The following HTATSF1 variants were observed in gnomAD, a reference collection of about 807,000 sequenced individuals.
HTATSF1 encodes HIV-1 Tat specific factor 1.
A neutral mutation model predicts 46.1 loss-of-function variants in HTATSF1; 6 were observed. That is an observed-to-expected ratio of 0.13 (90% confidence interval 0.07 to 0.26). The LOEUF is 0.26. HTATSF1 is among the 10% of genes least tolerant of loss of function. The probability of loss-of-function intolerance (pLI) is 1.00; values close to 1 mark genes in which losing one functional copy is unlikely to be tolerated. For missense variants in HTATSF1, 452 were observed against 559.9 expected (o/e 0.81, Z 1.94); for synonymous variants, 226 against 211.5 (o/e 1.07, Z -0.60).
rs59651028 is a variant in HTATSF1 at position 136,510,046 on chromosome X, T to C, written c.925-36T>C. Reference sequence around the variant, plus strand: ...TGTATGTGTTTTATTTTTAATCTTATCATTCATTCCTTTTTTTTCTTTCTT... The same window carrying C: ...TGTATGTGTTTTATTTTTAATCTTACCATTCATTCCTTTTTTTTCTTTCTT... On this transcript the variant is annotated intron_variant, in intron 7 of 8. Coordinates refer to ENST00000218364, the MANE Select transcript of HTATSF1 (RefSeq NM_014500.5). The C allele has an allele frequency of 1.8e-3, 2,122 of 1,162,904 alleles. 22 individuals carry two copies. In the African/African-American group the frequency reaches 0.033, roughly 18 times the overall value.
At chrX:136,500,095 C>A in intron 2 of HTATSF1, 63 bp from the exon 3 acceptor site, 2 of 750,633 alleles carry the variant, frequency 2.7e-6, no homozygotes, top group Non-Finnish European at 4.1e-6. Flanking sequence ...GTCAAGATTC[C>A]ATAATATGAC....
intron 2 of HTATSF1, 90 bp downstream of exon 2, chrX:136,499,868 C>A: frequency 1.4e-6 from 1 of 692,068 alleles, no homozygotes; most frequent in Non-Finnish European, 2.1e-6. Flanking sequence ...ATTATAATAG[C>A]TTTGAAGGAA....
intron 3 of HTATSF1, 47 bp from the exon 4 acceptor site, chrX:136,500,617 C>T (rs1424210916): frequency 1.2e-6 from 1 of 848,387 alleles, no homozygotes; most frequent in Non-Finnish European, 1.6e-6. Flanking sequence ...AAGTAATTCA[C>T]CTTCATTATC....
At chrX:136,497,961 G>C in intron 1 of HTATSF1, 91 bp downstream of exon 1, 1 of 679,747 alleles carries the variant, frequency 1.5e-6, no homozygotes, top group Non-Finnish European at 2.1e-6. Flanking sequence ...TGAGATCCTT[G>C]GTCCTTGGTC....
chrX:136,511,209 C>T lies in HTATSF1; in HGVS notation c.1464C>T (p.Gly488=). The T allele has an allele frequency of 8.3e-7, 1 of 1,207,411 alleles. No homozygotes were observed. Among genetic ancestry groups the T allele is most frequent in the Non-Finnish European group, 1.1e-6 (1 of 894,360 alleles). ...GCTCCCAAAAAGAGTCTGAAGAAGG[C>T]AATCCCGTAAGAGGATCTGAAGAGG... The part of the protein sequence containing the change: ...GSCSQKESEE[G]NPVRGSEEDS... The change falls in exon 9 of 9, where the codon GGC becomes GGT. Residue 488 remains glycine (G), a synonymous_variant. Transcript: ENST00000218364.
intron 6 of HTATSF1, among the ~76,000 whole-genome samples, chrX:136,508,300 A>G (rs1237349052): frequency 8.9e-6 from 1 of 112,342 alleles, no homozygotes; most frequent in South Asian, 3.6e-4. Context: ...ATATAGTTGA[A>G]ATTCAAGCTG....
chrX:136,512,134 T>A lies in HTATSF1; in HGVS notation c.*121T>A. The stretch of plus-strand genomic sequence containing the variant: ...GTAGGATGCCATCAGATTAAAGCAT[T>A]GAAGTGTTTCATTGTTACCTGTACC... On this transcript the variant is annotated 3_prime_UTR_variant, in exon 9 of 9. Coordinates refer to ENST00000218364, the MANE Select transcript of HTATSF1 (RefSeq NM_014500.5). 1 of 758,338 alleles carries A rather than the reference T, an allele frequency of 1.3e-6. No homozygotes were observed. Among genetic ancestry groups the A allele is most frequent in the Non-Finnish European group, 1.9e-6 (1 of 531,778 alleles). 62.5% of individuals were successfully genotyped at this position (758,338 alleles called of 1,213,427 possible).
chrX:136,503,544 C>T (rs1432923995), intron 5 of HTATSF1, among the ~76,000 whole-genome samples: 2 of 111,987 alleles, frequency 1.8e-5, no homozygotes, highest in Admixed American at 9.4e-5. Flanking sequence ...TGTGATGTCT[C>T]ATTGTTTTTA....
intron 4 of HTATSF1, 116 bp from the exon 5 acceptor site, chrX:136,502,662 T>A (rs2075723768): frequency 3.4e-6 from 1 of 295,396 alleles, no homozygotes; most frequent in African/African-American, 2.8e-5. Context: ...CGTATATTCA[T>A]AATATATAAA....
intron 1 of HTATSF1, among the ~76,000 whole-genome samples, chrX:136,498,324 C>T (rs745346196): frequency 8.9e-6 from 1 of 112,059 alleles, no homozygotes; most frequent in African/African-American, 3.2e-5. Context: ...TTGCACCTTG[C>T]TTTACTTTCC....
intron 6 of HTATSF1, among the ~76,000 whole-genome samples, chrX:136,507,441 A>T (rs2148522444): frequency 9.0e-6 from 1 of 111,064 alleles, no homozygotes; most frequent in African/African-American, 3.3e-5. Context: ...CGCACCTGTA[A>T]TCCCAGCTAC....
intron 2 of HTATSF1, 75 bp downstream of exon 2, chrX:136,499,853 C>T (rs1320026076): frequency 1.3e-5 from 10 of 769,523 alleles, no homozygotes; most frequent in South Asian, 3.3e-5. Context: ...GTTGCTTTTT[C>T]GAGAATTATA....
chrX:136,499,631 A>C lies in HTATSF1; in HGVS notation c.220A>C (p.Asn74His). The C allele has an allele frequency of 2.5e-6, 3 of 1,196,520 alleles. No individual in the cohort carries two copies. Among genetic ancestry groups the C allele is most frequent in the Non-Finnish European group, 3.4e-6 (3 of 889,945 alleles). Residue 74 changes from asparagine to histidine, a missense_variant, in exon 2 of 9, where the codon AAT (asparagine) becomes CAT (histidine). Transcript: ENST00000218364. ...TEDFIATYQA[N>H]YGFSNDGASS... is the part of the protein sequence containing the mutation. The stretch of plus-strand genomic sequence containing the variant: ...AGATTTCATTGCTACATATCAGGCC[A>C]ATTATGGCTTCTCTAACGATGGCGC...
chrX:136,503,935 A>T (rs548803244), intron 5 of HTATSF1, among the ~76,000 whole-genome samples: 1 of 111,074 alleles, frequency 9.0e-6, no homozygotes. Context: ...CAGGGGTGCA[A>T]TGTTGGCTCA....
rs769173366 is a variant in HTATSF1 at position 136,511,774 on chromosome X, G to A, written c.2029G>A (p.Asp677Asn). 6.6e-6 allele frequency: 8 copies of A among 1,210,315 alleles called. No individual in the cohort carries two copies. The highest frequency in any genetic ancestry group is 7.8e-6 in the Non-Finnish European group (7 of 895,249). The change falls in exon 9 of 9, where the codon GAT becomes AAT. Residue 677 changes from aspartate to asparagine, a missense_variant. Transcript: ENST00000218364. ...DADEKLFEES[D>N]DKEDEDADGK... ...AGATGAAAAGCTGTTTGAAGAGTCA[G>A]ATGACAAGGAAGATGAAGATGCAGA...
rs1286410942 is a variant in HTATSF1, at chrX:136,497,820, A to G, written c.136A>G (p.Thr46Ala). Residue 46 changes from threonine to alanine, a missense_variant, in exon 1 of 9, where the codon ACG becomes GCG. Physicochemically the swap from Thr to Ala is moderately conservative, Grantham distance 58. This residue lies in a region of HTATSF1 where 89 missense variants were observed against 92.3 expected (regional missense o/e 0.96). Coordinates refer to ENST00000218364, the MANE Select transcript of HTATSF1 (RefSeq NM_014500.5). ...GEPDSLGQQP[T>A]DTPYEWDLDK... Reference sequence around the variant, plus strand: ...ACCCGATTCTCTCGGGCAGCAGCCGACGGACACTCCCTACGAGTGGGACCT... The same window carrying G: ...ACCCGATTCTCTCGGGCAGCAGCCGGCGGACACTCCCTACGAGTGGGACCT... The G allele has an allele frequency of 2.5e-6, 3 of 1,196,121 alleles. No homozygotes were observed. The highest frequency in any genetic ancestry group is 3.0e-5 in the East Asian group (1 of 33,209).
chrX:136,504,152 T>C (rs961025468), intron 5 of HTATSF1, among the ~76,000 whole-genome samples: 6 of 112,418 alleles, frequency 5.3e-5, no homozygotes, highest in Non-Finnish European at 3.8e-5. Flanking sequence ...ATTATAGGTA[T>C]GAGCCACCGC....
chrX:136,511,046 C>T lies in HTATSF1; in HGVS notation c.1301C>T (p.Thr434Ile). Residue 434 changes from threonine to isoleucine, a missense_variant, in exon 9 of 9, where the codon ACA becomes ATA. Coordinates refer to ENST00000218364, the MANE Select transcript of HTATSF1 (RefSeq NM_014500.5). Reference sequence around the variant, plus strand: ...ATAGATGAGAAGAAGTTTGAAAAGACAGAAGATGGGGGAGAATTTGAAGAA... The same window carrying T: ...ATAGATGAGAAGAAGTTTGAAAAGATAGAAGATGGGGGAGAATTTGAAGAA... The part of the protein sequence containing the change: ...EPIDEKKFEK[T>I]EDGGEFEEGA... 4 of 1,211,410 alleles carry T rather than the reference C, an allele frequency of 3.3e-6. No homozygotes were observed. The highest frequency in any genetic ancestry group is 4.5e-6 in the Non-Finnish European group (4 of 895,424).
chrX:136,510,521 C>A (rs987527543), intron 8 of HTATSF1, among the ~76,000 whole-genome samples: 2 of 112,245 alleles, frequency 1.8e-5, no homozygotes, highest in African/African-American at 3.2e-5. Context: ...AAATGTTACT[C>A]TTCCTTTGTA....
Sources: gnomAD v4.1 joint callset for allele counts (sites outside exome capture counted in the v4.1 genomes callset) on GRCh38, gnomAD v4.1.1 for gene constraint, gnomAD v4.1.1 regional missense constraint, MANE v1.5 for transcripts, NCBI Gene and HGNC (gene_info 2026-07-23, HGNC 2026-07-21) for gene names.